Variants in DLGAP2 observed in about 807,000 individuals in gnomAD.
DLGAP2 encodes disks large-associated protein 2.
In DLGAP2, 26 loss-of-function variants were observed where a neutral mutation model predicts 100.3. The observed-to-expected ratio is 0.26, with a 90% CI of 0.19 to 0.36. DLGAP2 has a LOEUF of 0.36. DLGAP2 is among the 10% of genes least tolerant of loss of function. The pLI is 1.00. For missense variants in DLGAP2, 1,858 were observed against 1,453.2 expected, an observed-to-expected ratio of 1.28 and a Z score of -4.53; for synonymous variants, 886 against 630.1, an observed-to-expected ratio of 1.41 and a Z score of -6.08.
intron 2 of DLGAP2, among the ~76,000 whole-genome samples, chr8:978,969 G>A (rs1176917883): frequency 2.0e-5 from 3 of 152,178 alleles, no homozygotes; most frequent in South Asian, 4.1e-4. Context: ...TGGTAGATCA[G>A]CAAGATTGGT....
At chr8:771,461 G>C (rs184498793) in intron 1 of DLGAP2, among the ~76,000 whole-genome samples, 1 of 152,272 alleles carries the variant, frequency 6.6e-6, no homozygotes, top group Non-Finnish European at 1.5e-5. Flanking sequence ...AAAATCCTGG[G>C]CCTGCACTAG....
At chr8:1,435,072 C>T (rs996619697) in intron 3 of DLGAP2, among the ~76,000 whole-genome samples, 13 of 152,228 alleles carry the variant, frequency 8.5e-5, no homozygotes, top group Non-Finnish European at 1.6e-4. Flanking sequence ...GTCCTTATTG[C>T]TCCTGGAAGC....
rs989684682 is a variant in DLGAP2, at chr8:1,368,529, A to G, written c.106+109646A>G. 8.5e-5 allele frequency: 13 copies of G among 152,230 alleles called. No individual in the cohort carries two copies. In the South Asian group the frequency reaches 1.2e-3, roughly 15 times the overall value. The allele number at this position is 152,230 out of a possible 1,614,324, so 9.4% of individuals were successfully genotyped here. A position where few individuals can be genotyped will look rare whatever the true frequency, so the allele number is the denominator to read the frequency against. ...GTCTATCACAGTAAATATTTATAGA[A>G]TATACCATCAAGCCTGACCTCCATT... On this transcript the variant is annotated intron_variant, in intron 3 of 14. Transcript: ENST00000637795.
intron 1 of DLGAP2, among the ~76,000 whole-genome samples, chr8:846,705 C>G (rs538945155): frequency 2.0e-5 from 3 of 152,216 alleles, no homozygotes; most frequent in African/African-American, 2.4e-5. Context: ...TTTTAGGAAC[C>G]TTGATACTGT....
At chr8:1,525,607 G>T (rs1800767880) in intron 4 of DLGAP2, among the ~76,000 whole-genome samples, 1 of 152,234 alleles carries the variant, frequency 6.6e-6, no homozygotes, top group Non-Finnish European at 1.5e-5. Context: ...CCAACCATGT[G>T]CGAATCGCAG....
At chr8:1,366,522 GA>G (rs1261944752) in intron 3 of DLGAP2, among the ~76,000 whole-genome samples, 8 of 152,196 alleles carry the variant, frequency 5.3e-5, no homozygotes, top group African/African-American at 1.9e-4. Context: ...AGGCTTTGGG[GA>G]TGTTCAGCGG....
chr8:1,352,392 C>G (rs990370305), intron 3 of DLGAP2, among the ~76,000 whole-genome samples: 2 of 152,088 alleles, frequency 1.3e-5, no homozygotes, highest in East Asian at 3.9e-4. Flanking sequence ...ATGGGGCCAT[C>G]TCTTCCTCTC....
chr8:1,331,651 T>G (rs1488603199), intron 3 of DLGAP2, among the ~76,000 whole-genome samples: 1 of 152,220 alleles, frequency 6.6e-6, no homozygotes, highest in East Asian at 1.9e-4. Flanking sequence ...TGTCAACATC[T>G]TGGGTATACG....
chr8:1,447,991 G>T (rs976841642), intron 3 of DLGAP2, among the ~76,000 whole-genome samples: 4 of 151,638 alleles, frequency 2.6e-5, no homozygotes, highest in Admixed American at 1.3e-4. Flanking sequence ...TTCTTTATTA[G>T]TCTTGCTAGC....
intron 2 of DLGAP2, among the ~76,000 whole-genome samples, chr8:1,191,234 C>T (rs527765406): frequency 3.2e-4 from 23 of 71,610 alleles, no homozygotes; most frequent in South Asian, 1.3e-3. Flanking sequence ...TACAGTGGCG[C>T]GATCTCGGCT....
chr8:1,287,882 CATGT>C (rs1799976180), intron 3 of DLGAP2, among the ~76,000 whole-genome samples: 1 of 60,832 alleles, frequency 1.6e-5, no homozygotes, highest in African/African-American at 7.3e-5. Flanking sequence ...TTTGGTTCAG[CATGT>C]GTGTGTGTGT....
At chr8:1,567,879 A>G (rs141585761) in intron 6 of DLGAP2, among the ~76,000 whole-genome samples, 34 of 152,368 alleles carry the variant, frequency 2.2e-4, no homozygotes, top group African/African-American at 7.9e-4. Context: ...TTCACTCACC[A>G]ACAGCCCTTA....
chr8:1,231,637 A>T (rs973737798), intron 2 of DLGAP2, among the ~76,000 whole-genome samples: 6 of 152,234 alleles, frequency 3.9e-5, no homozygotes, highest in East Asian at 1.9e-4. Flanking sequence ...ACACCGTGGG[A>T]TACTGCATAG....
chr8:1,671,352 G>C (rs998559912), intron 10 of DLGAP2, among the ~76,000 whole-genome samples: 3 of 152,250 alleles, frequency 2.0e-5, no homozygotes, highest in Admixed American at 1.3e-4. Context: ...AATGGGACTG[G>C]CTTCCGGGAC....
At chr8:1,268,113 T>G (rs1403149710) in intron 3 of DLGAP2, among the ~76,000 whole-genome samples, 1 of 152,218 alleles carries the variant, frequency 6.6e-6, no homozygotes, top group Admixed American at 6.5e-5. Flanking sequence ...AACCCTAGTT[T>G]GCAAATTTCT....
At chr8:862,026 A>T (rs944626132) in intron 1 of DLGAP2, among the ~76,000 whole-genome samples, 1 of 152,184 alleles carries the variant, frequency 6.6e-6, no homozygotes, top group African/African-American at 2.4e-5. Flanking sequence ...AGAAATTCCA[A>T]CCTTCTGCAT....
chr8:1,647,957 T>A (rs1308856872), intron 8 of DLGAP2, among the ~76,000 whole-genome samples: 1 of 152,130 alleles, frequency 6.6e-6, no homozygotes, highest in Non-Finnish European at 1.5e-5. Flanking sequence ...CACGAATCCC[T>A]CATCCTGCCC....
intron 3 of DLGAP2, among the ~76,000 whole-genome samples, chr8:1,370,440 G>A (rs1210383041): frequency 1.3e-5 from 2 of 152,128 alleles, no homozygotes; most frequent in African/African-American, 4.8e-5. Flanking sequence ...ATAGTGAGGT[G>A]GAAAATGAAC....
intron 2 of DLGAP2, among the ~76,000 whole-genome samples, chr8:1,112,197 G>A (rs1245571227): frequency 1.4e-5 from 2 of 144,904 alleles, no homozygotes; most frequent in Non-Finnish European, 3.0e-5. Context: ...TTGGCCACAT[G>A]TATGTCTTCT....
Sources: gnomAD v4.1 joint callset for allele counts (sites outside exome capture counted in the v4.1 genomes callset) on GRCh38, gnomAD v4.1.1 for gene constraint, MANE v1.5 for transcripts, NCBI Gene and HGNC (gene_info 2026-07-23, HGNC 2026-07-21) for gene names.